Variants in RBFOX3 observed in about 807,000 individuals in gnomAD.
RBFOX3 encodes RNA binding protein fox-1 homolog 3.
A neutral mutation model predicts 48.7 loss-of-function variants in RBFOX3; 17 were observed. The observed-to-expected ratio is 0.35, with a 90% confidence interval of 0.24 to 0.52. RBFOX3 has a LOEUF of 0.52. Ranked by LOEUF, RBFOX3 falls within the 20% of genes least tolerant of loss-of-function variation. The pLI, the probability that RBFOX3 is intolerant of heterozygous loss-of-function variation, is 0.94. For synonymous variants in RBFOX3, 212 were observed against 209.5 expected (o/e 1.01, Z -0.10); for missense variants, 382 against 497.5 (o/e 0.77, Z 2.21).
At chr17:79,582,021 TGCCTGTGC>T (rs2093078258) in intron 1 of RBFOX3, among the ~76,000 whole-genome samples, 144 of 150,794 alleles carry the variant, frequency 9.5e-4, no homozygotes, top group Non-Finnish European at 1.4e-3. Flanking sequence ...TGCCTGTGCG[TGCCTGTGC>T]GTGCCTGTGT....
At chr17:79,188,115 A>G (rs910650457) in intron 4 of RBFOX3, among the ~76,000 whole-genome samples, 1 of 152,224 alleles carries the variant, frequency 6.6e-6, no homozygotes, top group African/African-American at 2.4e-5. Context: ...CCGTCGGTGC[A>G]GCCCTGGCAG....
intron 2 of RBFOX3, among the ~76,000 whole-genome samples, chr17:79,407,140 T>C (rs575405179): frequency 1.3e-4 from 20 of 152,368 alleles, no homozygotes; most frequent in Non-Finnish European, 2.6e-4. Context: ...CCCAAGTAGC[T>C]GGGACTACAG....
At chr17:79,172,457 G>A (rs1004900677) in intron 4 of RBFOX3, among the ~76,000 whole-genome samples, 1 of 152,214 alleles carries the variant, frequency 6.6e-6, no homozygotes, top group East Asian at 1.9e-4. Flanking sequence ...GGTCATGGGA[G>A]TTTCTCCCAG....
chr17:79,621,801 G>T, the RBFOX3 span, among the ~76,000 whole-genome samples: 5 of 152,170 alleles, frequency 3.3e-5, no homozygotes, highest in African/African-American at 1.2e-4. Flanking sequence ...GTGTACACAG[G>T]CTAACCCAGT....
rs1039948339 is a variant in RBFOX3 at position 79,198,210 on chromosome 17, C to G, written c.-34+37556G>C. On this transcript the variant is annotated intron_variant, in intron 4 of 14. Transcript: ENST00000693108. The surrounding 1 kb of genome is among the most constrained non-coding windows in gnomAD (Gnocchi z 8.2). ...TCGCTGGACCATCCTCAACACTGGA[C>G]CAGACCAGAAGGGGAAATCATGGGT... Among the ~76,000 whole-genome samples the G allele has an allele frequency of 2.0e-5, 3 of 152,160 alleles. No individual in the cohort carries two copies. Among genetic ancestry groups the G allele is most frequent in the Non-Finnish European group, 4.4e-5 (3 of 68,040 alleles).
chr17:79,358,213 T>A lies in RBFOX3; in HGVS notation c.-174-50389A>T, dbSNP rs568850823. Among the ~76,000 whole-genome samples, 75 of 152,290 alleles carry A rather than the reference T, an allele frequency of 4.9e-4. 1 individual carries two copies. The South Asian group carries it at 9.5e-3, about 19-fold the overall frequency. On this transcript the variant is annotated intron_variant, in intron 2 of 14. Transcript: ENST00000693108. Reference sequence around the variant, plus strand: ...CTCCTGCCTTGGCCTCCCAAAGTGCTGGGATTACAGGTGTGACCAGTGTGC... The same window carrying A: ...CTCCTGCCTTGGCCTCCCAAAGTGCAGGGATTACAGGTGTGACCAGTGTGC...
At chr17:79,230,623 T>C (rs773719356) in intron 4 of RBFOX3, among the ~76,000 whole-genome samples, 15 of 152,186 alleles carry the variant, frequency 9.9e-5, no homozygotes, top group Non-Finnish European at 2.1e-4. Context: ...TTGCTAAGCC[T>C]TTCCAGAGCT....
chr17:79,665,394 G>A, the RBFOX3 span, among the ~76,000 whole-genome samples: 6 of 151,558 alleles, frequency 4.0e-5, no homozygotes, highest in African/African-American at 1.2e-4. Flanking sequence ...GGAGAGGAGC[G>A]GAGCAGAGAG....
At chr17:79,452,672 G>A (rs527387390) in intron 2 of RBFOX3, among the ~76,000 whole-genome samples, 112 of 152,318 alleles carry the variant, frequency 7.4e-4, no homozygotes, top group African/African-American at 2.6e-3. Flanking sequence ...CCACACAGCA[G>A]GGATGAGGGA....
intron 3 of RBFOX3, among the ~76,000 whole-genome samples, chr17:79,286,595 A>G (rs1600422464): frequency 6.6e-6 from 1 of 152,182 alleles, no homozygotes; most frequent in African/African-American, 2.4e-5. Flanking sequence ...AGAGCTTAAT[A>G]CGCTGCGGCT....
At position 79,362,653 on chromosome 17, in the gene RBFOX3, G is replaced by A. The variant is rs148211994; in HGVS notation, c.-174-54829C>T. On this transcript the variant is annotated intron_variant, in intron 2 of 14. Transcript: ENST00000693108. This position sits in a 1 kb window ranked among gnomAD's most constrained non-coding sequence, Gnocchi z 4.2. ...CCAGGAAAATGAGAGCCGGCCTGCC[G>A]GGCAATTGCTTCCTGTGACGGAGCC... 3.7e-3 allele frequency among the ~76,000 whole-genome samples: 567 copies of A among 152,308 alleles called. 4 individuals are homozygous for A. Among genetic ancestry groups the A allele is most frequent in the East Asian group, 7.0e-3 (36 of 5,172 alleles).
chr17:79,593,632 G>C (rs981734313), intron 1 of RBFOX3, among the ~76,000 whole-genome samples: 15 of 152,198 alleles, frequency 9.9e-5, no homozygotes, highest in African/African-American at 3.4e-4. Flanking sequence ...GACCGGAGTG[G>C]CCTCTGCTCA....
the RBFOX3 span, among the ~76,000 whole-genome samples, chr17:79,649,660 A>G: frequency 6.6e-6 from 1 of 152,224 alleles, no homozygotes; most frequent in Admixed American, 6.5e-5. Flanking sequence ...GGGCGGAGAT[A>G]GCGCCATTGC....
At chr17:79,451,829 C>T (rs560979488) in intron 2 of RBFOX3, among the ~76,000 whole-genome samples, 3 of 152,238 alleles carry the variant, frequency 2.0e-5, no homozygotes, top group Admixed American at 6.5e-5. Flanking sequence ...TCGCAGTGTT[C>T]GTACGTTAGG....
At position 79,362,626 on chromosome 17, in the gene RBFOX3, C is replaced by T. The variant is rs1299683194; in HGVS notation, c.-174-54802G>A. Among the ~76,000 whole-genome samples, 6 of 152,184 alleles carry T rather than the reference C, an allele frequency of 3.9e-5. No homozygotes were observed. Among genetic ancestry groups the T allele is most frequent in the African/African-American group, 1.4e-4 (6 of 41,454 alleles). On this transcript the variant is annotated intron_variant, in intron 2 of 14. Transcript: ENST00000693108. The surrounding 1 kb of genome is among the most constrained non-coding windows in gnomAD (Gnocchi z 4.2). ...CTTTGCAAAGCTTGAATACCTGGCGCCCCAGGAAAATGAGAGCCGGCCTGC... is the reference window on the plus strand; with the variant it reads ...CTTTGCAAAGCTTGAATACCTGGCGTCCCAGGAAAATGAGAGCCGGCCTGC...
chr17:79,370,253 C>A (rs1373001217), intron 2 of RBFOX3, among the ~76,000 whole-genome samples: 1 of 152,236 alleles, frequency 6.6e-6, no homozygotes, highest in Non-Finnish European at 1.5e-5. Context: ...AAGCTGGAGA[C>A]ACCACTCTGC....
intron 3 of RBFOX3, among the ~76,000 whole-genome samples, chr17:79,305,669 G>A (rs2145505329): frequency 6.6e-6 from 1 of 152,326 alleles, no homozygotes; most frequent in South Asian, 2.1e-4. Context: ...TGTGTGGGCT[G>A]GGGTGGGGGC....
Position 79,555,339 on chromosome 17 carries a change from G to A in RBFOX3, c.-320+55487C>T, listed in dbSNP as rs1289982998. 1.8e-3 allele frequency among the ~76,000 whole-genome samples: 137 copies of A among 77,624 alleles called. 23 individuals are homozygous for A. The highest frequency in any genetic ancestry group is 8.3e-3 in the African/African-American group (130 of 15,692). The allele number at this position is 77,624 out of a possible 152,430, so 50.9% of individuals were successfully genotyped here. A position where few individuals can be genotyped will look rare whatever the true frequency, so the allele number is the denominator to read the frequency against. ...TGGTGGTGGTGATGGTGGTGATGAT[G>A]GTAGTTGTGGTGGTGGTGATGGTGG... On this transcript the variant is annotated intron_variant, in intron 1 of 14. Coordinates refer to ENST00000693108, the MANE Select transcript of RBFOX3 (RefSeq NM_001350451.2).
At chr17:79,150,754 T>C (rs907775010) in intron 4 of RBFOX3, among the ~76,000 whole-genome samples, 4 of 152,212 alleles carry the variant, frequency 2.6e-5, no homozygotes, top group South Asian at 2.1e-4. Flanking sequence ...CAGGTAGGGA[T>C]GGGCACTTCC....
Sources: gnomAD v4.1 joint callset for allele counts (sites outside exome capture counted in the v4.1 genomes callset) on GRCh38, gnomAD v4.1.1 for gene constraint, Gnocchi (gnomAD v3.1) non-coding constraint, MANE v1.5 for transcripts, NCBI Gene and HGNC (gene_info 2026-07-23, HGNC 2026-07-21) for gene names.